ROBO2: variants seen among roughly 807,000 people sequenced by gnomAD.
ROBO2 encodes the protein roundabout homolog 2.
A neutral mutation model predicts 160.8 loss-of-function variants in ROBO2; 53 were observed. The ratio of observed to expected loss-of-function variants is 0.33; its 90% confidence interval spans 0.26 to 0.41. The LOEUF is 0.41. ROBO2 is among the 10% of genes least tolerant of loss of function. The pLI is 1.00. For missense variants in ROBO2, 1,577 were observed against 1,722.4 expected (o/e 0.92, Z 1.49); for synonymous variants, 664 against 611.7 (o/e 1.09, Z -1.26).
intron 2 of ROBO2, among the ~76,000 whole-genome samples, chr3:76,681,535 G>A (rs186748820): frequency 1.3e-5 from 2 of 152,014 alleles, no homozygotes; most frequent in Admixed American, 1.3e-4. Flanking sequence ...TTTGGGTGAG[G>A]TGATCAATGG....
chr3:77,531,673 T>G (rs2091739190), intron 6 of ROBO2, among the ~76,000 whole-genome samples: 1 of 152,134 alleles, frequency 6.6e-6, no homozygotes, highest in African/African-American at 2.4e-5. Context: ...AAATATAATG[T>G]GCTGTACATA....
chr3:76,766,810 C>T (rs1201633836), intron 2 of ROBO2, among the ~76,000 whole-genome samples: 1 of 151,494 alleles, frequency 6.6e-6, no homozygotes, highest in Admixed American at 6.6e-5. Flanking sequence ...TTTGCCATTG[C>T]TGTCTGCTGG....
intron 2 of ROBO2, among the ~76,000 whole-genome samples, chr3:76,251,203 G>A (rs1274999028): frequency 6.6e-6 from 1 of 151,950 alleles, no homozygotes; most frequent in African/African-American, 2.4e-5. Context: ...TCATCAGGGT[G>A]CAAGAGTTAT....
At chr3:77,522,977 A>G in intron 6 of ROBO2, 75 bp downstream of exon 6, 1 of 1,542,164 alleles carries the variant, frequency 6.5e-7, no homozygotes, top group Non-Finnish European at 8.9e-7. Flanking sequence ...TGAACTTACG[A>G]TCAAAATAAT....
intron 2 of ROBO2, among the ~76,000 whole-genome samples, chr3:77,013,800 C>G (rs1331631421): frequency 6.6e-6 from 1 of 152,184 alleles, no homozygotes; most frequent in Non-Finnish European, 1.5e-5. Context: ...ATTCTCTGCA[C>G]CTTCAGTAAC....
chr3:77,086,865 A>T (rs2069391124), intron 1 of ROBO2, among the ~76,000 whole-genome samples: 1 of 152,152 alleles, frequency 6.6e-6, no homozygotes, highest in Non-Finnish European at 1.5e-5. Context: ...TTATATACCA[A>T]AATAAGTTTG....
At chr3:77,540,755 G>C (rs1364524136) in intron 6 of ROBO2, among the ~76,000 whole-genome samples, 1 of 152,118 alleles carries the variant, frequency 6.6e-6, no homozygotes, top group African/African-American at 2.4e-5. Flanking sequence ...AATTAATAAA[G>C]CTGTGTTACT....
chr3:76,130,507 CA>C (rs1436782265), intron 2 of ROBO2, among the ~76,000 whole-genome samples: 2 of 152,026 alleles, frequency 1.3e-5, no homozygotes, highest in African/African-American at 4.8e-5. Context: ...TTAGTGTATA[CA>C]TGTACGCATA....
At chr3:77,077,385 A>G (rs1443368915) in intron 1 of ROBO2, among the ~76,000 whole-genome samples, 1 of 152,254 alleles carries the variant, frequency 6.6e-6, no homozygotes, top group Non-Finnish European at 1.5e-5. Flanking sequence ...ACTGTGCTGG[A>G]CGTCAGAAAT....
intron 2 of ROBO2, among the ~76,000 whole-genome samples, chr3:77,438,548 A>G (rs2079567031): frequency 1.3e-5 from 1 of 79,700 alleles, no homozygotes; most frequent in Admixed American, 1.1e-4. Context: ...ATACACACAC[A>G]CACACACACA....
chr3:77,240,326 C>T (rs942326370), intron 2 of ROBO2, among the ~76,000 whole-genome samples: 1 of 152,156 alleles, frequency 6.6e-6, no homozygotes, highest in Admixed American at 6.5e-5. Context: ...AGCTGCTGGC[C>T]CAGGTGCTAA....
intron 2 of ROBO2, among the ~76,000 whole-genome samples, chr3:76,958,066 G>C (rs2079403801): frequency 6.6e-6 from 1 of 152,114 alleles, no homozygotes; most frequent in Admixed American, 6.5e-5. Flanking sequence ...GCGAAATATG[G>C]CTCTTTCAAA....
chr3:77,349,201 T>C (rs1283946868), intron 2 of ROBO2, among the ~76,000 whole-genome samples: 2 of 152,154 alleles, frequency 1.3e-5, no homozygotes, highest in Non-Finnish European at 2.9e-5. Context: ...AGTACATTGA[T>C]AGATGGTATG....
At chr3:76,084,019 T>A (rs2068924774) in intron 2 of ROBO2, among the ~76,000 whole-genome samples, 1 of 152,126 alleles carries the variant, frequency 6.6e-6, no homozygotes, top group Non-Finnish European at 1.5e-5. Context: ...GACTGCTGGA[T>A]ATTGTGTTGG....
intron 2 of ROBO2, among the ~76,000 whole-genome samples, chr3:77,466,779 A>C (rs1328862762): frequency 6.6e-6 from 1 of 152,180 alleles, no homozygotes; most frequent in African/African-American, 2.4e-5. Flanking sequence ...ATAGGTAATA[A>C]ATAACACATA....
At chr3:76,211,954 A>C (rs1703173446) in intron 2 of ROBO2, among the ~76,000 whole-genome samples, 1 of 152,028 alleles carries the variant, frequency 6.6e-6, no homozygotes, top group Non-Finnish European at 1.5e-5. Flanking sequence ...ACTACAATTG[A>C]GGTTAATTAA....
chr3:77,414,439 A>G (rs2153525664), intron 2 of ROBO2, among the ~76,000 whole-genome samples: 1 of 152,316 alleles, frequency 6.6e-6, no homozygotes, highest in Middle Eastern at 3.4e-3. Flanking sequence ...TATGGAGAGA[A>G]ATGTGGATAT....
chr3:76,878,052 A>C (rs549611419), intron 2 of ROBO2, among the ~76,000 whole-genome samples: 7 of 152,296 alleles, frequency 4.6e-5, no homozygotes, highest in African/African-American at 1.4e-4. Flanking sequence ...CCCTATCTCC[A>C]AATGCAGTGG....
At chr3:76,253,768 A>G (rs187870238) in intron 2 of ROBO2, among the ~76,000 whole-genome samples, 26 of 151,910 alleles carry the variant, frequency 1.7e-4, no homozygotes, top group African/African-American at 6.0e-4. Context: ...ATCAAGTGAG[A>G]TAGCATATCC....
Sources: gnomAD v4.1 joint callset for allele counts (sites outside exome capture counted in the v4.1 genomes callset) on GRCh38, gnomAD v4.1.1 for gene constraint, MANE v1.5 for transcripts, NCBI Gene and HGNC (gene_info 2026-07-23, HGNC 2026-07-21) for gene names.